CFAP61: variants seen among roughly 807,000 people sequenced by gnomAD.
CFAP61 encodes the protein cilia- and flagella-associated protein 61.
A neutral mutation model predicts 135.6 loss-of-function variants in CFAP61; 107 were observed. That is an observed-to-expected ratio of 0.79 (90% CI 0.67 to 0.93). The LOEUF (loss-of-function observed/expected upper bound fraction) is 0.93. CFAP61 is among the 40% of genes least tolerant of loss of function. The probability of loss-of-function intolerance (pLI) is 0.00; values close to 1 mark genes in which losing one functional copy is unlikely to be tolerated. For synonymous variants in CFAP61, 575 were observed against 578.5 expected (o/e 0.99, Z 0.09); for missense variants, 1,507 against 1,556.2 (o/e 0.97, Z 0.53).
At chr20:20,070,802 A>G in intron 2 of CFAP61, 52 bp from the exon 3 acceptor site, 2 of 1,566,240 alleles carry the variant, frequency 1.3e-6, no homozygotes, top group South Asian at 1.2e-5. Context: ...GCATGTCCTC[A>G]CCTCACTTTT....
At chr20:20,180,580 A>G (rs1240797296) in intron 13 of CFAP61, among the ~76,000 whole-genome samples, 1 of 152,182 alleles carries the variant, frequency 6.6e-6, no homozygotes, top group East Asian at 1.9e-4. Context: ...AATTAGTTCA[A>G]CCATTGTGGA....
chr20:20,263,147 C>T lies in CFAP61; in HGVS notation c.2503+17C>T, dbSNP rs902650663. ...CCACAGAAGGTAAGGATGTCGGTAACTGTGCATCTCTTCAGAATAGCGTTT... is the reference window on the plus strand; with the variant it reads ...CCACAGAAGGTAAGGATGTCGGTAATTGTGCATCTCTTCAGAATAGCGTTT... On this transcript the variant is annotated intron_variant, in intron 21 of 26. Transcript: ENST00000245957. 8.2e-6 allele frequency: 13 copies of T among 1,594,740 alleles called. No individual in the cohort carries two copies. The highest frequency in any genetic ancestry group is 1.3e-5 in the African/African-American group (1 of 74,622).
At chr20:20,199,547 G>A (rs962444399) in intron 16 of CFAP61, among the ~76,000 whole-genome samples, 1 of 152,110 alleles carries the variant, frequency 6.6e-6, no homozygotes, top group East Asian at 1.9e-4. Flanking sequence ...TTCCCACAGA[G>A]ATAGTAATGT....
At chr20:20,282,760 G>A (rs1569238825) in intron 22 of CFAP61, among the ~76,000 whole-genome samples, 1 of 152,072 alleles carries the variant, frequency 6.6e-6, no homozygotes, top group African/African-American at 2.4e-5. Context: ...CCAACATGGT[G>A]AAACCCTGTC....
intron 8 of CFAP61, among the ~76,000 whole-genome samples, chr20:20,108,726 C>T (rs1309067088): frequency 2.0e-5 from 3 of 151,702 alleles, no homozygotes; most frequent in African/African-American, 4.9e-5. Flanking sequence ...GTTGCAGATA[C>T]GTTTTTTTCT....
intron 16 of CFAP61, among the ~76,000 whole-genome samples, chr20:20,197,715 G>GT (rs11087315): frequency 2.0e-5 from 3 of 151,726 alleles, no homozygotes; most frequent in South Asian, 2.1e-4. Flanking sequence ...ATTCCCAAGG[G>GT]TTTTTTTTCC....
chr20:20,345,301 T>C (rs867813446), intron 26 of CFAP61, among the ~76,000 whole-genome samples: 1 of 152,254 alleles, frequency 6.6e-6, no homozygotes, highest in Non-Finnish European at 1.5e-5. Flanking sequence ...CTTGAGGTGA[T>C]GGATACTCCA....
At chr20:20,213,494 A>G (rs1443941271) in intron 17 of CFAP61, among the ~76,000 whole-genome samples, 2 of 151,716 alleles carry the variant, frequency 1.3e-5, no homozygotes, top group Non-Finnish European at 2.9e-5. Flanking sequence ...TTTTACCTCC[A>G]TGGCAGTTGG....
intron 13 of CFAP61, among the ~76,000 whole-genome samples, chr20:20,179,615 T>C (rs887341535): frequency 1.3e-5 from 2 of 152,180 alleles, no homozygotes; most frequent in African/African-American, 2.4e-5. Context: ...GGCATCACCC[T>C]ACCTGACTTC....
chr20:20,251,540 TTAA>T, intron 19 of CFAP61, 52 bp from the exon 20 acceptor site: 1 of 1,573,616 alleles, frequency 6.4e-7, no homozygotes, highest in Admixed American at 1.7e-5. Context: ...AGATGTCTAA[TTAA>T]TGCCCGCTGT....
chr20:20,255,265 C>G (rs537374565), intron 20 of CFAP61, among the ~76,000 whole-genome samples: 52 of 152,266 alleles, frequency 3.4e-4, no homozygotes, highest in African/African-American at 1.2e-3. Context: ...GACTCATGGA[C>G]GGTCATGGAG....
chr20:20,135,803 C>A (rs2050880917), intron 8 of CFAP61, among the ~76,000 whole-genome samples: 1 of 152,084 alleles, frequency 6.6e-6, no homozygotes, highest in African/African-American at 2.4e-5. Flanking sequence ...ATAGTCTGTG[C>A]TTTTCTGTGT....
At chr20:20,256,587 T>C (rs2051605249) in intron 20 of CFAP61, among the ~76,000 whole-genome samples, 1 of 152,112 alleles carries the variant, frequency 6.6e-6, no homozygotes, top group Non-Finnish European at 1.5e-5. Flanking sequence ...GAAATCTCCA[T>C]CAGAGACAGA....
rs766438306 is a variant in CFAP61 at position 20,277,257 on chromosome 20, C to G, written c.2595C>G (p.Leu865=). 3.1e-6 allele frequency: 5 copies of G among 1,613,956 alleles called. No homozygotes were observed. The highest frequency in any genetic ancestry group is 4.2e-6 in the Non-Finnish European group (5 of 1,179,982). ...GCGTGAGCGGCAGCCGCATCCACCTCGTGCAGCCCCCGCCCGCCTCCACCA... is the reference window on the plus strand; with the variant it reads ...GCGTGAGCGGCAGCCGCATCCACCTGGTGCAGCCCCCGCCCGCCTCCACCA... The part of the protein sequence containing the change: ...NLGVSGSRIH[L]VQPPPASTIT... Residue 865 remains leucine (L), a synonymous_variant, in exon 22 of 27, where the codon CTC becomes CTG. Transcript: ENST00000245957.
intron 3 of CFAP61, among the ~76,000 whole-genome samples, chr20:20,072,536 G>C (rs1326883513): frequency 6.6e-6 from 1 of 152,056 alleles, no homozygotes; most frequent in East Asian, 1.9e-4. Flanking sequence ...TGTTGAAGTT[G>C]AATAAACCTC....
chr20:20,150,617 G>A (rs1281258015), intron 9 of CFAP61, among the ~76,000 whole-genome samples: 1 of 152,126 alleles, frequency 6.6e-6, no homozygotes, highest in African/African-American at 2.4e-5. Context: ...AGCACACTAA[G>A]CATATCTACA....
chr20:20,269,777 A>C (rs1365522931), intron 21 of CFAP61, among the ~76,000 whole-genome samples: 1 of 152,200 alleles, frequency 6.6e-6, no homozygotes, highest in African/African-American at 2.4e-5. Context: ...CCCATATAAA[A>C]TGCCAGTTGG....
intron 19 of CFAP61, among the ~76,000 whole-genome samples, chr20:20,246,893 G>A (rs2035107714): frequency 6.6e-6 from 1 of 152,190 alleles, no homozygotes; most frequent in Non-Finnish European, 1.5e-5. Context: ...CTGTGAAAAA[G>A]ACTCATTTTG....
intron 9 of CFAP61, among the ~76,000 whole-genome samples, chr20:20,158,986 A>C (rs2053180274): frequency 6.6e-6 from 1 of 152,222 alleles, no homozygotes; most frequent in Admixed American, 6.5e-5. Context: ...TTTTGATATA[A>C]TTACTTTTGC....
Sources: allele counts gnomAD v4.1 joint callset (sites outside exome capture counted in the v4.1 genomes callset), GRCh38; gene constraint gnomAD v4.1.1; transcripts MANE v1.5; gene names NCBI Gene and HGNC (gene_info 2026-07-23, HGNC 2026-07-21).